The following CDK19 variants were observed in gnomAD, a reference collection of about 807,000 sequenced individuals.
CDK19 encodes the protein cyclin dependent kinase 19, also known as cyclin-dependent kinase 19.
CDK19 carries 20 observed loss-of-function variants against 68.3 expected under a neutral mutation model. The observed-to-expected ratio is 0.29, with a 90% confidence interval of 0.21 to 0.43. The LOEUF is 0.43. Among genes scored for constraint, CDK19 ranks in the 20% least tolerant of loss-of-function variants. The probability of loss-of-function intolerance (pLI) is 1.00; values close to 1 mark genes in which losing one functional copy is unlikely to be tolerated. For synonymous variants in CDK19, 221 were observed against 222.8 expected, an observed-to-expected ratio of 0.99 and a Z score of 0.07; for missense variants, 339 against 623.5, an observed-to-expected ratio of 0.54 and a Z score of 4.86.
chr6:110,640,369 G>C (rs1270816004), intron 4 of CDK19, among the ~76,000 whole-genome samples: 1 of 152,112 alleles, frequency 6.6e-6, no homozygotes, highest in Non-Finnish European at 1.5e-5. Context: ...TTACAGGAGA[G>C]GATGAGGGAG....
At chr6:110,793,901 GC>G (rs1408610159) in intron 1 of CDK19, among the ~76,000 whole-genome samples, 1 of 152,178 alleles carries the variant, frequency 6.6e-6, no homozygotes, top group East Asian at 1.9e-4. Context: ...AACTGCACCA[GC>G]CCAGCATGCC....
chr6:110,783,428 A>G (rs965651906), intron 1 of CDK19, among the ~76,000 whole-genome samples: 6 of 152,160 alleles, frequency 3.9e-5, no homozygotes, highest in Admixed American at 6.5e-5. Flanking sequence ...ACTAGAGGTC[A>G]GGAGTTCGAG....
chr6:110,798,100 A>G (rs934717076), intron 1 of CDK19, among the ~76,000 whole-genome samples: 1 of 152,144 alleles, frequency 6.6e-6, no homozygotes, highest in Admixed American at 6.5e-5. Flanking sequence ...TGGCCTGACC[A>G]TATGAGTCAG....
intron 4 of CDK19, among the ~76,000 whole-genome samples, chr6:110,643,781 A>T (rs187042158): frequency 2.0e-4 from 30 of 152,266 alleles, no homozygotes; most frequent in African/African-American, 7.2e-4. Flanking sequence ...CATTAAAGAA[A>T]TTGGAATTTA....
chr6:110,622,300 G>T (rs1582694199), intron 10 of CDK19, 134 bp from the exon 11 acceptor site: 1 of 636,758 alleles, frequency 1.6e-6, no homozygotes, highest in Non-Finnish European at 2.7e-6. Context: ...TTCAAATCTT[G>T]ACTGCTGCTA....
intron 1 of CDK19, among the ~76,000 whole-genome samples, chr6:110,792,743 A>C (rs1306560648): frequency 6.6e-6 from 1 of 152,230 alleles, no homozygotes. Context: ...CTTCCTGCTG[A>C]ATCTAACCAG....
chr6:110,680,124 C>A (rs892763485), intron 2 of CDK19, among the ~76,000 whole-genome samples: 12 of 152,190 alleles, frequency 7.9e-5, no homozygotes, highest in African/African-American at 1.9e-4. Flanking sequence ...GGACGCTAAG[C>A]CTCCACAAGC....
intron 2 of CDK19, among the ~76,000 whole-genome samples, chr6:110,735,114 T>C (rs1206137045): frequency 1.3e-5 from 2 of 151,366 alleles, no homozygotes; most frequent in Non-Finnish European, 2.9e-5. Flanking sequence ...TAATCTTCTT[T>C]TTTTTTTTTA....
intron 2 of CDK19, among the ~76,000 whole-genome samples, chr6:110,728,406 T>G (rs1776505838): frequency 6.6e-6 from 1 of 151,968 alleles, no homozygotes; most frequent in African/African-American, 2.4e-5. Flanking sequence ...GCTGCCTATA[T>G]CCAATTCATC....
At chr6:110,723,145 A>AAC (rs376828337) in intron 2 of CDK19, among the ~76,000 whole-genome samples, 3 of 99,372 alleles carry the variant, frequency 3.0e-5, no homozygotes, top group African/African-American at 8.6e-5. Context: ...CAAAAAAAAC[A>AAC]AAAAACAAAA....
chr6:110,701,422 G>T (rs1189750585), intron 2 of CDK19, among the ~76,000 whole-genome samples: 1 of 151,060 alleles, frequency 6.6e-6, no homozygotes, highest in Non-Finnish European at 1.5e-5. Context: ...CATGGTGGCG[G>T]GCGCCAGTAG....
rs941524016 is a variant in CDK19 at position 110,743,412 on chromosome 6, C to A, written c.204+2714G>T. On this transcript the variant is annotated intron_variant, in intron 2 of 12. Coordinates refer to ENST00000368911, the MANE Select transcript of CDK19 (RefSeq NM_015076.5). ...ACTACAGCACTTTGGGAGGTTGTGGCGGGTGGATCACTTGAGGTCAGGTGT... is the reference window on the plus strand; with the variant it reads ...ACTACAGCACTTTGGGAGGTTGTGGAGGGTGGATCACTTGAGGTCAGGTGT... Among the ~76,000 whole-genome samples, 43 of 152,010 alleles carry A rather than the reference C, an allele frequency of 2.8e-4. 1 individual carries two copies. The highest frequency in any genetic ancestry group is 2.8e-3 in the Admixed American group (43 of 15,242).
At chr6:110,814,987 C>T in intron 1 of CDK19, 22 bp downstream of exon 1, 3 of 1,600,782 alleles carry the variant, frequency 1.9e-6, no homozygotes, top group Non-Finnish European at 2.6e-6. Context: ...AGCGAGCCTA[C>T]TCCTCCCGCC....
At chr6:110,671,033 A>G (rs1476943187) in intron 2 of CDK19, among the ~76,000 whole-genome samples, 1 of 152,158 alleles carries the variant, frequency 6.6e-6, no homozygotes, top group Non-Finnish European at 1.5e-5. Flanking sequence ...AAGATATTTA[A>G]CAATCCCTGT....
At chr6:110,802,649 AC>A (rs1295318572) in intron 1 of CDK19, among the ~76,000 whole-genome samples, 20 of 152,208 alleles carry the variant, frequency 1.3e-4, no homozygotes, top group Non-Finnish European at 2.6e-4. Context: ...TAACAAACCT[AC>A]CCATGTAACA....
chr6:110,637,859 G>A (rs182095810), intron 5 of CDK19, among the ~76,000 whole-genome samples: 58 of 152,080 alleles, frequency 3.8e-4, no homozygotes, highest in African/African-American at 1.3e-3. Context: ...GCGGGAGCCT[G>A]TAGTCCCAGC....
intron 1 of CDK19, among the ~76,000 whole-genome samples, chr6:110,811,396 C>T (rs1783084589): frequency 2.0e-5 from 3 of 152,108 alleles, no homozygotes; most frequent in Admixed American, 1.3e-4. Flanking sequence ...CTGTGTCAGC[C>T]ATGCAAGGCA....
At chr6:110,628,316 G>A (rs971071694) in intron 6 of CDK19, among the ~76,000 whole-genome samples, 3 of 152,184 alleles carry the variant, frequency 2.0e-5, no homozygotes, top group Admixed American at 1.3e-4. Flanking sequence ...AAGGAAAAAG[G>A]TTAATTACAC....
intron 1 of CDK19, among the ~76,000 whole-genome samples, chr6:110,748,155 T>C (rs996410491): frequency 1.3e-5 from 2 of 152,224 alleles, no homozygotes; most frequent in African/African-American, 2.4e-5. Flanking sequence ...CAGAAGCTCA[T>C]GTAATTGCAT....
Sources: allele counts gnomAD v4.1 joint callset (sites outside exome capture counted in the v4.1 genomes callset), GRCh38; gene constraint gnomAD v4.1.1; transcripts MANE v1.5; gene names NCBI Gene and HGNC (gene_info 2026-07-23, HGNC 2026-07-21).